The following DCN variants were observed in gnomAD, a reference collection of about 807,000 sequenced individuals.
DCN encodes decorin.
A neutral mutation model predicts 36.5 loss-of-function variants in DCN; 17 were observed. The ratio of observed to expected loss-of-function variants is 0.47; its 90% CI spans 0.32 to 0.70. DCN has a LOEUF of 0.70. Among genes scored for constraint, DCN ranks in the 30% least tolerant of loss-of-function variants. The pLI is 0.04. For synonymous variants in DCN, 163 were observed against 161.4 expected, an observed-to-expected ratio of 1.01 and a Z score of -0.07; for missense variants, 389 against 430.1, an observed-to-expected ratio of 0.90 and a Z score of 0.84.
chr12:91,159,657 A>C (rs1025593864), intron 3 of DCN, among the ~76,000 whole-genome samples: 1 of 151,584 alleles, frequency 6.6e-6, no homozygotes, highest in African/African-American at 2.4e-5. Context: ...TAATTATTTG[A>C]TTTTTATTTC....
Position 91,144,162 on chromosome 12 carries a change from G to A in DCN, c.*1896C>T, listed in dbSNP as rs1880878833. ...GTATATCATTCAAGGCTATAACATG[G>A]AGTGTGCATCATTGAAGGCTACAAC... On this transcript the variant is annotated 3_prime_UTR_variant, in exon 8 of 8. Transcript: ENST00000052754. 6.6e-6 allele frequency: 1 copy of A among 152,146 alleles called. No individual in the cohort carries two copies. The highest frequency in any genetic ancestry group is 2.4e-5 in the African/African-American group (1 of 41,434). 9.4% of individuals were successfully genotyped at this position (152,146 alleles called of 1,614,324 possible).
rs1880735553 is a variant in DCN, at chr12:91,140,896, TTTTC to T, written c.*5158_*5161del. 1 of 152,280 alleles carries T rather than the reference TTTTC, an allele frequency of 6.6e-6. No homozygotes were observed. The highest frequency in any genetic ancestry group is 1.5e-5 in the Non-Finnish European group (1 of 68,094). The allele number at this position is 152,280 out of a possible 1,614,324, so 9.4% of individuals were successfully genotyped here. ...AAATTCCTGAAGTCATCTCTGTTTC[TTTTC>T]TTTCTCTCTCATGCCCCATCTGATC... On this transcript the variant is annotated 3_prime_UTR_variant, in exon 8 of 8. Coordinates refer to ENST00000052754, the MANE Select transcript of DCN (RefSeq NM_001920.5).
chr12:91,155,425 A>T (rs1881700818), intron 5 of DCN, among the ~76,000 whole-genome samples: 1 of 152,178 alleles, frequency 6.6e-6, no homozygotes, highest in African/African-American at 2.4e-5. Flanking sequence ...CAAGCTATAA[A>T]TGATGAGGAA....
chr12:91,164,461 GT>G (rs1882398809), intron 3 of DCN, 143 bp downstream of exon 3: 11 of 274,720 alleles, frequency 4.0e-5, no homozygotes, highest in African/African-American at 2.2e-4. Flanking sequence ...TAAAAAAAAA[GT>G]AAAAAAAAAA....
intron 3 of DCN, among the ~76,000 whole-genome samples, chr12:91,160,462 T>C (rs1882089610): frequency 6.6e-6 from 1 of 152,110 alleles, no homozygotes; most frequent in South Asian, 2.1e-4. Context: ...AATATTGTTC[T>C]AAAGGCTTTT....
rs1880732187 is a variant in DCN at position 91,140,783 on chromosome 12, A to T, written c.*5275T>A. On this transcript the variant is annotated 3_prime_UTR_variant, in exon 8 of 8. Transcript: ENST00000052754. Reference sequence around the variant, plus strand: ...TCAAAAAGAACAGATTCAAAACCAGATATTTGATTCTCAGTTCTTCCAGCT... The same window carrying T: ...TCAAAAAGAACAGATTCAAAACCAGTTATTTGATTCTCAGTTCTTCCAGCT... 6.6e-6 allele frequency: 1 copy of T among 152,236 alleles called. No homozygotes were observed. The highest frequency in any genetic ancestry group is 1.5e-5 in the Non-Finnish European group (1 of 68,048). The allele number at this position is 152,236 out of a possible 1,614,324, so 9.4% of individuals were successfully genotyped here.
At chr12:91,158,699 T>C (rs1459875951) in intron 3 of DCN, among the ~76,000 whole-genome samples, 190 bp from the exon 4 acceptor site, 1 of 152,216 alleles carries the variant, frequency 6.6e-6, no homozygotes, top group Non-Finnish European at 1.5e-5. Context: ...CGGTGGCTCA[T>C]GCCTGTAATC....
intron 3 of DCN, among the ~76,000 whole-genome samples, chr12:91,163,564 A>T (rs577193451): frequency 2.0e-5 from 3 of 152,278 alleles, no homozygotes; most frequent in African/African-American, 7.2e-5. Context: ...TAGAGGTTTC[A>T]ATAAAGTCTC....
chr12:91,158,453 A>C lies in DCN; in HGVS notation c.381T>G (p.Pro127=). 6.2e-7 allele frequency: 1 copy of C among 1,610,106 alleles called. No individual in the cohort carries two copies. Among genetic ancestry groups the C allele is most frequent in the South Asian group, 1.1e-5 (1 of 91,000 alleles). ...ISKVSPGAFT[P]LVKLERLYLS... Reference sequence around the variant, plus strand: ...GATAAAGTCGTTCCAACTTCACCAAAGGTGTAAATGCTCCAGGACTAACTT... The same window carrying C: ...GATAAAGTCGTTCCAACTTCACCAACGGTGTAAATGCTCCAGGACTAACTT... The change falls in exon 4 of 8, where the codon CCT becomes CCG. Residue 127 remains proline, a synonymous_variant. Coordinates refer to ENST00000052754, the MANE Select transcript of DCN (RefSeq NM_001920.5).
chr12:91,158,470 G>A lies in DCN; in HGVS notation c.364C>T (p.Pro122Ser). Residue 122 changes from proline (P) to serine (S), a missense_variant, in exon 4 of 8, where the codon CCT (proline) becomes TCT (serine). Coordinates refer to ENST00000052754, the MANE Select transcript of DCN (RefSeq NM_001920.5). Reference sequence around the variant, plus strand: ...TTCACCAAAGGTGTAAATGCTCCAGGACTAACTTTGCTAATTTTATTGTTG... The same window carrying A: ...TTCACCAAAGGTGTAAATGCTCCAGAACTAACTTTGCTAATTTTATTGTTG... ...LVNNKISKVSPGAFTPLVKLE... is the reference protein window; with the variant it reads ...LVNNKISKVSSGAFTPLVKLE... The A allele has an allele frequency of 6.2e-7, 1 of 1,604,032 alleles. No individual in the cohort carries two copies. Among genetic ancestry groups the A allele is most frequent in the Non-Finnish European group, 8.5e-7 (1 of 1,170,828 alleles).
chr12:91,156,949 T>C, intron 5 of DCN, 126 bp downstream of exon 5: 1 of 675,046 alleles, frequency 1.5e-6, no homozygotes, highest in South Asian at 1.7e-5. Flanking sequence ...CTAGCAGTAA[T>C]AGAGAATTTG....
At chr12:91,170,876 AAC>A (rs1882915755) in intron 2 of DCN, among the ~76,000 whole-genome samples, 1 of 152,166 alleles carries the variant, frequency 6.6e-6, no homozygotes, top group African/African-American at 2.4e-5. Flanking sequence ...AAAATATAAA[AAC>A]AGATAGTATT....
chr12:91,162,332 A>T (rs531820505), intron 3 of DCN, among the ~76,000 whole-genome samples: 6 of 152,162 alleles, frequency 3.9e-5, no homozygotes, highest in African/African-American at 1.2e-4. Flanking sequence ...TTTTCTTCTA[A>T]TGGCTAAATG....
At chr12:91,155,614 A>AGATC (rs1315571605) in intron 5 of DCN, among the ~76,000 whole-genome samples, 1 of 132,144 alleles carries the variant, frequency 7.6e-6, no homozygotes, top group Non-Finnish European at 1.6e-5. Context: ...AATTTTAATA[A>AGATC]GATCTATCTA....
At chr12:91,176,126 C>G (rs1030006111) in intron 2 of DCN, 1 of 151,888 alleles carries the variant, frequency 6.6e-6, no homozygotes, top group Non-Finnish European at 1.5e-5. Context: ...AATTTCATTT[C>G]CCTTTAAGAA....
intron 3 of DCN, 22 bp downstream of exon 3, chr12:91,164,583 G>T: frequency 1.5e-6 from 2 of 1,341,402 alleles, no homozygotes; most frequent in Non-Finnish European, 2.1e-6. Context: ...CTTATTGTGA[G>T]TTAAAAAAAA....
chr12:91,142,142 G>C lies in DCN; in HGVS notation c.*3916C>G, dbSNP rs1249545917. 6.6e-6 allele frequency: 1 copy of C among 152,170 alleles called. No homozygotes were observed. The highest frequency in any genetic ancestry group is 1.5e-5 in the Non-Finnish European group (1 of 68,028). The allele number at this position is 152,170 out of a possible 1,614,324, so 9.4% of individuals were successfully genotyped here. Reference sequence around the variant, plus strand: ...AATACATAAACAGATCCACTAGAAGGAATGTTTTAGCAATAAGTGTGGAAA... The same window carrying C: ...AATACATAAACAGATCCACTAGAAGCAATGTTTTAGCAATAAGTGTGGAAA... On this transcript the variant is annotated 3_prime_UTR_variant, in exon 8 of 8. Transcript: ENST00000052754.
intron 3 of DCN, among the ~76,000 whole-genome samples, chr12:91,164,400 C>CAAAAAA (rs5799980): frequency 3.5e-4 from 28 of 78,880 alleles, no homozygotes; most frequent in East Asian, 1.1e-3. Context: ...AAGCATAATT[C>CAAAAAA]AAAAAAAAAA....
At chr12:91,180,824 T>C (rs990135919) in intron 1 of DCN, 1 of 152,186 alleles carries the variant, frequency 6.6e-6, no homozygotes, top group Non-Finnish European at 1.5e-5. Flanking sequence ...CTTGCATATT[T>C]AATGTCTTAC....
Sources: gnomAD v4.1 joint callset for allele counts (sites outside exome capture counted in the v4.1 genomes callset) on GRCh38, gnomAD v4.1.1 for gene constraint, MANE v1.5 for transcripts, NCBI Gene and HGNC (gene_info 2026-07-23, HGNC 2026-07-21) for gene names.